The following NRCAM variants were observed in gnomAD, a reference collection of about 807,000 sequenced individuals.
NRCAM encodes NgCAM-related cell adhesion molecule.
In NRCAM, 83 loss-of-function variants were observed where a neutral mutation model predicts 156.5. The ratio of observed to expected loss-of-function variants is 0.53; its 90% confidence interval spans 0.44 to 0.64. The LOEUF is 0.64. NRCAM is among the 30% of genes least tolerant of loss of function. NRCAM has a pLI of 0.00. For synonymous variants in NRCAM, 538 were observed against 563.9 expected, an observed-to-expected ratio of 0.95 and a Z score of 0.65; for missense variants, 1,417 against 1,597.3, an observed-to-expected ratio of 0.89 and a Z score of 1.92.
At chr7:108,403,130 C>T (rs532925363) in intron 1 of NRCAM, among the ~76,000 whole-genome samples, 27 of 152,292 alleles carry the variant, frequency 1.8e-4, no homozygotes, top group African/African-American at 6.0e-4. Flanking sequence ...TACAGCACTC[C>T]ATTTACTGCC....
intron 15 of NRCAM, 111 bp downstream of exon 15, chr7:108,195,650 T>C: frequency 3.0e-6 from 2 of 669,930 alleles, no homozygotes; most frequent in African/African-American, 3.8e-5. Flanking sequence ...GTGTAATGGA[T>C]TGTGTGGTGC....
At chr7:108,232,142 G>A (rs2094415537) in intron 7 of NRCAM, among the ~76,000 whole-genome samples, 184 bp downstream of exon 7, 1 of 152,018 alleles carries the variant, frequency 6.6e-6, no homozygotes, top group East Asian at 1.9e-4. Flanking sequence ...GATTGGTAAA[G>A]CATTGGACTA....
chr7:108,371,306 T>A (rs141027120), intron 2 of NRCAM, among the ~76,000 whole-genome samples: 1 of 152,298 alleles, frequency 6.6e-6, no homozygotes, highest in Non-Finnish European at 1.5e-5. Flanking sequence ...TGGACATTTC[T>A]TGGAGAATGT....
chr7:108,379,047 A>C (rs905302570), intron 2 of NRCAM, among the ~76,000 whole-genome samples: 11 of 152,136 alleles, frequency 7.2e-5, no homozygotes, highest in Non-Finnish European at 5.9e-5. Context: ...ATAGCAAAAT[A>C]AAATCCTCCC....
At chr7:108,168,712 T>G (rs2056532811) in intron 28 of NRCAM, among the ~76,000 whole-genome samples, 1 of 152,176 alleles carries the variant, frequency 6.6e-6, no homozygotes, top group Non-Finnish European at 1.5e-5. Flanking sequence ...CCGTCTTCAT[T>G]TACTAAAGTG....
chr7:108,163,182 T>G (rs1305848449), intron 30 of NRCAM, among the ~76,000 whole-genome samples: 2 of 152,164 alleles, frequency 1.3e-5, no homozygotes, highest in Non-Finnish European at 2.9e-5. Context: ...ATTATATTCA[T>G]GTATTATTTG....
chr7:108,381,957 T>A (rs958947368), intron 2 of NRCAM, among the ~76,000 whole-genome samples: 1 of 152,098 alleles, frequency 6.6e-6, no homozygotes, highest in South Asian at 2.1e-4. Flanking sequence ...CCCCATTAAA[T>A]AAGGAGAGAT....
chr7:108,251,774 A>G (rs2096364585), intron 3 of NRCAM, among the ~76,000 whole-genome samples: 1 of 152,122 alleles, frequency 6.6e-6, no homozygotes, highest in Non-Finnish European at 1.5e-5. Flanking sequence ...GCTGAAGTTG[A>G]GCAGTGGTTT....
At chr7:108,403,889 A>T (rs931237505) in intron 1 of NRCAM, among the ~76,000 whole-genome samples, 7 of 152,218 alleles carry the variant, frequency 4.6e-5, no homozygotes, top group Admixed American at 3.3e-4. Context: ...TCTCTGAAGA[A>T]GATCTCAACT....
At chr7:108,189,234 T>C (rs529574302) in intron 20 of NRCAM, among the ~76,000 whole-genome samples, 2 of 152,302 alleles carry the variant, frequency 1.3e-5, no homozygotes, top group East Asian at 3.9e-4. Flanking sequence ...GTTGAAAAGT[T>C]ACTTTACTCA....
chr7:108,448,990 A>T (rs1847471419), intron 1 of NRCAM, among the ~76,000 whole-genome samples: 1 of 152,250 alleles, frequency 6.6e-6, no homozygotes. Flanking sequence ...GCCGCAGAAC[A>T]GTCAGAAGAA....
intron 13 of NRCAM, among the ~76,000 whole-genome samples, chr7:108,203,608 C>T (rs890954306): frequency 2.0e-5 from 3 of 152,258 alleles, no homozygotes; most frequent in East Asian, 1.9e-4. Flanking sequence ...CCTGCAGAGG[C>T]GAAAGGAGAC....
chr7:108,320,346 G>C (rs2098986114), intron 2 of NRCAM, among the ~76,000 whole-genome samples: 2 of 152,210 alleles, frequency 1.3e-5, no homozygotes, highest in African/African-American at 4.8e-5. Flanking sequence ...TGTGGTCCCA[G>C]CTACTTGGGA....
rs116823681 is a variant in NRCAM at position 108,307,248 on chromosome 7, C to T, written c.-107+5417G>A. 8.3e-3 allele frequency among the ~76,000 whole-genome samples: 1,265 copies of T among 152,264 alleles called. 15 individuals are homozygous for T. Among genetic ancestry groups the T allele is most frequent in the African/African-American group, 0.029 (1,192 of 41,552 alleles). ...ATCCAACACACCTCAGGTGCAGTGG[C>T]GGCTTAAGGAGGCATCCCAGGAACA... is the stretch of plus-strand genomic sequence containing the variant. On this transcript the variant is annotated intron_variant, in intron 3 of 32. Coordinates refer to ENST00000379028, the MANE Select transcript of NRCAM (RefSeq NM_001037132.4).
At chr7:108,363,745 A>G (rs1014080636) in intron 2 of NRCAM, among the ~76,000 whole-genome samples, 1 of 152,074 alleles carries the variant, frequency 6.6e-6, no homozygotes, top group Non-Finnish European at 1.5e-5. Context: ...TGAAAATAGC[A>G]CTCTACCTCT....
chr7:108,186,030 C>T (rs6943271), intron 20 of NRCAM, among the ~76,000 whole-genome samples: 103,440 of 152,162 alleles, frequency 0.68, 37,228 homozygotes, highest in East Asian at 0.96. Flanking sequence ...CCTCTGCGTC[C>T]ACTAAAATTC....
chr7:108,173,517 G>T (rs1051296439), intron 28 of NRCAM, among the ~76,000 whole-genome samples: 3 of 152,076 alleles, frequency 2.0e-5, no homozygotes, highest in Non-Finnish European at 4.4e-5. Context: ...AAAAAAAGAA[G>T]TATTTTTAAG....
chr7:108,343,042 C>G (rs1404237074), intron 2 of NRCAM, among the ~76,000 whole-genome samples: 1 of 152,158 alleles, frequency 6.6e-6, no homozygotes, highest in Admixed American at 6.5e-5. Flanking sequence ...TCAAGGGGAC[C>G]TTTTAGAGGT....
intron 32 of NRCAM, among the ~76,000 whole-genome samples, chr7:108,157,497 C>T (rs1200721123): frequency 6.6e-6 from 1 of 152,150 alleles, no homozygotes; most frequent in South Asian, 2.1e-4. Context: ...GAATCACAGG[C>T]AATGGCTGAG....
Sources: allele counts gnomAD v4.1 joint callset (sites outside exome capture counted in the v4.1 genomes callset), GRCh38; gene constraint gnomAD v4.1.1; transcripts MANE v1.5; gene names NCBI Gene and HGNC (gene_info 2026-07-23, HGNC 2026-07-21).